MARCHF1: variants seen among roughly 807,000 people sequenced by gnomAD.
The protein encoded by MARCHF1 is E3 ubiquitin-protein ligase MARCHF1.
A neutral mutation model predicts 54.2 loss-of-function variants in MARCHF1; 40 were observed. That is an observed-to-expected ratio of 0.74 (90% CI 0.57 to 0.96). The LOEUF is 0.96. MARCHF1 is among the 40% of genes least tolerant of loss of function. MARCHF1 has a pLI of 0.00. For synonymous variants in MARCHF1, 236 were observed against 236.3 expected (o/e 1.00, Z 0.01); for missense variants, 586 against 656.5 (o/e 0.89, Z 1.17).
intron 3 of MARCHF1, among the ~76,000 whole-genome samples, chr4:163,949,924 G>A (rs967241115): frequency 5.9e-5 from 9 of 152,190 alleles, no homozygotes; most frequent in African/African-American, 2.2e-4. Flanking sequence ...GAGACCCAAC[G>A]TGGGTACCCC....
chr4:163,779,246 T>A (rs532162661), intron 4 of MARCHF1, among the ~76,000 whole-genome samples: 1 of 152,194 alleles, frequency 6.6e-6, no homozygotes, highest in Non-Finnish European at 1.5e-5. Context: ...TTGAATGATA[T>A]TTTAGTCACA....
chr4:164,265,190 G>A (rs1008491452), intron 1 of MARCHF1, among the ~76,000 whole-genome samples: 2 of 151,970 alleles, frequency 1.3e-5, no homozygotes, highest in African/African-American at 2.4e-5. Flanking sequence ...AATTTCAAAT[G>A]TTATCACAAT....
At chr4:164,217,303 C>T (rs1346199767) in intron 1 of MARCHF1, among the ~76,000 whole-genome samples, 1 of 152,120 alleles carries the variant, frequency 6.6e-6, no homozygotes, top group African/African-American at 2.4e-5. Context: ...GGATAGGATA[C>T]TTATGTAGGC....
intron 3 of MARCHF1, among the ~76,000 whole-genome samples, chr4:163,936,074 G>A (rs781459992): frequency 6.6e-6 from 1 of 152,098 alleles, no homozygotes; most frequent in Non-Finnish European, 1.5e-5. Context: ...TCAGAGAATA[G>A]GAAGGTCCGA....
intron 2 of MARCHF1, among the ~76,000 whole-genome samples, chr4:164,065,485 T>C (rs1754707419): frequency 6.6e-6 from 1 of 152,166 alleles, no homozygotes; most frequent in Non-Finnish European, 1.5e-5. Flanking sequence ...AAAGAAACTA[T>C]CAACAGAGTA....
At chr4:164,175,089 C>T (rs1056863135) in intron 1 of MARCHF1, among the ~76,000 whole-genome samples, 3 of 152,174 alleles carry the variant, frequency 2.0e-5, no homozygotes, top group African/African-American at 4.8e-5. Context: ...TGTCACCCTA[C>T]ACAAACCTCA....
chr4:164,002,759 T>G (rs1243770986), intron 2 of MARCHF1, among the ~76,000 whole-genome samples: 1 of 151,908 alleles, frequency 6.6e-6, no homozygotes, highest in Non-Finnish European at 1.5e-5. Flanking sequence ...GATACAGGTA[T>G]GCCAAATTCA....
chr4:164,234,029 A>C (rs1275992221), intron 1 of MARCHF1, among the ~76,000 whole-genome samples: 1 of 152,190 alleles, frequency 6.6e-6, no homozygotes. Context: ...ATAAGAATTT[A>C]TGTTTATCCA....
chr4:163,654,792 T>C (rs1743083698), intron 5 of MARCHF1, among the ~76,000 whole-genome samples: 1 of 151,734 alleles, frequency 6.6e-6, no homozygotes, highest in Non-Finnish European at 1.5e-5. Flanking sequence ...AATTTTGCTT[T>C]CTTGAGTCAC....
At chr4:163,813,020 T>C (rs1390622973) in intron 4 of MARCHF1, among the ~76,000 whole-genome samples, 1 of 152,204 alleles carries the variant, frequency 6.6e-6, no homozygotes, top group Middle Eastern at 3.2e-3. Flanking sequence ...AAATGAGCTA[T>C]AAAAGTCATT....
intron 1 of MARCHF1, chr4:164,189,140 C>T (rs1731056903): frequency 3.3e-6 from 2 of 615,236 alleles, no homozygotes; most frequent in East Asian, 2.9e-5. Flanking sequence ...CATCTGCGTG[C>T]AGAAGACTAT....
chr4:163,830,926 G>A (rs1180489327), intron 4 of MARCHF1, among the ~76,000 whole-genome samples: 4 of 152,178 alleles, frequency 2.6e-5, no homozygotes, highest in Non-Finnish European at 5.9e-5. Context: ...ACGCCTACCA[G>A]CAACACTGAA....
At chr4:164,009,317 T>C (rs75081915) in intron 2 of MARCHF1, among the ~76,000 whole-genome samples, 2,451 of 152,148 alleles carry the variant, frequency 0.016, 55 homozygotes, top group African/African-American at 0.052. Context: ...AAGTCTCTCA[T>C]TAAATAAAAG....
rs112886025 is a variant in MARCHF1, at chr4:163,642,876, A to C, written c.163-29483T>G. Among the ~76,000 whole-genome samples the C allele has an allele frequency of 7.5e-3, 1,136 of 152,278 alleles. 11 individuals are homozygous for C. Among genetic ancestry groups the C allele is most frequent in the African/African-American group, 0.026 (1,067 of 41,566 alleles). ...AATAGACTGAAAGTATTTAGATTAAAATAAGAAAATAGAAAATAAAATCCC... is the reference window on the plus strand; with the variant it reads ...AATAGACTGAAAGTATTTAGATTAACATAAGAAAATAGAAAATAAAATCCC... On this transcript the variant is annotated intron_variant, in intron 5 of 9. Coordinates refer to ENST00000514618, the MANE Select transcript of MARCHF1 (RefSeq NM_001394959.1).
In MARCHF1 at chr4:163,998,726, A is replaced by G. The variant is rs182627188; in HGVS notation, c.-247-10017T>C. ...TTAGATTTCACATACAAATGAGATTATGCATCATTTATCTTAATGTTCTCC... is the reference window on the plus strand; with the variant it reads ...TTAGATTTCACATACAAATGAGATTGTGCATCATTTATCTTAATGTTCTCC... On this transcript the variant is annotated intron_variant, in intron 2 of 9. Transcript: ENST00000514618. 5.5e-4 allele frequency among the ~76,000 whole-genome samples: 84 copies of G among 151,826 alleles called. 1 individual carries two copies. Among genetic ancestry groups the G allele is most frequent in the African/African-American group, 1.8e-3 (75 of 41,520 alleles).
In MARCHF1 at chr4:163,580,358, G is replaced by A. The variant is rs1249149726; in HGVS notation, c.1191+5391C>T. Among the ~76,000 whole-genome samples, 4 of 152,138 alleles carry A rather than the reference G, an allele frequency of 2.6e-5. No individual in the cohort carries two copies. In the East Asian group the frequency reaches 5.8e-4, roughly 22 times the overall value. On this transcript the variant is annotated intron_variant, in intron 8 of 9. Coordinates refer to ENST00000514618, the MANE Select transcript of MARCHF1 (RefSeq NM_001394959.1). The stretch of plus-strand genomic sequence containing the variant: ...CTCCCAAAGTGCTGGGATTACAGGT[G>A]TGAGCCACCGCACCTGGCCCTGTAG...
At chr4:163,778,297 G>A (rs1561072195) in intron 4 of MARCHF1, among the ~76,000 whole-genome samples, 2 of 152,114 alleles carry the variant, frequency 1.3e-5, no homozygotes, top group South Asian at 2.1e-4. Context: ...ACAAATTGGT[G>A]CATTATGTGA....
chr4:164,099,426 A>G (rs1458365651), intron 2 of MARCHF1, among the ~76,000 whole-genome samples: 5 of 152,176 alleles, frequency 3.3e-5, no homozygotes, highest in Non-Finnish European at 7.4e-5. Context: ...TTGTCAAAAC[A>G]TCTTCCATTA....
intron 3 of MARCHF1, among the ~76,000 whole-genome samples, chr4:163,963,275 G>A (rs1752375466): frequency 6.6e-6 from 1 of 151,756 alleles, no homozygotes; most frequent in African/African-American, 2.4e-5. Flanking sequence ...TCAATATAAG[G>A]TCTATATTTT....
Sources: allele counts gnomAD v4.1 joint callset (sites outside exome capture counted in the v4.1 genomes callset), GRCh38; gene constraint gnomAD v4.1.1; transcripts MANE v1.5; gene names NCBI Gene and HGNC (gene_info 2026-07-23, HGNC 2026-07-21).